Variants in KANK1 observed in about 807,000 individuals in gnomAD.
KANK1 encodes the protein KN motif and ankyrin repeat domains 1.
A neutral mutation model predicts 106.2 loss-of-function variants in KANK1; 109 were observed. The ratio of observed to expected loss-of-function variants is 1.03; its 90% confidence interval spans 0.88 to 1.20. The LOEUF is 1.20. Among genes scored for constraint, KANK1 ranks in the 50% most tolerant of loss-of-function variants. KANK1 has a pLI of 0.00. For missense variants in KANK1, 2,399 were observed against 1,710.7 expected (o/e 1.40, Z -7.10); for synonymous variants, 873 against 652.2 (o/e 1.34, Z -5.16).
chr9:497,016 C>T (rs534621195), intron 3 of KANK1, among the ~76,000 whole-genome samples: 7 of 152,066 alleles, frequency 4.6e-5, no homozygotes, highest in African/African-American at 7.2e-5. Context: ...CCTTCAGCCA[C>T]GGAGAAAATG....
intron 1 of KANK1, among the ~76,000 whole-genome samples, chr9:576,431 T>C (rs1820580155): frequency 6.6e-6 from 1 of 152,246 alleles, no homozygotes; most frequent in South Asian, 2.1e-4. Flanking sequence ...TTTGCTCTGC[T>C]AGGCACTGTG....
At chr9:633,099 T>C (rs1310215839) in intron 1 of KANK1, among the ~76,000 whole-genome samples, 1 of 152,124 alleles carries the variant, frequency 6.6e-6, no homozygotes. Context: ...TGACTTTTTC[T>C]ACACTCACTT....
intron 1 of KANK1, among the ~76,000 whole-genome samples, chr9:653,508 G>C (rs1314357454): frequency 2.6e-5 from 4 of 152,090 alleles, no homozygotes; most frequent in Non-Finnish European, 2.9e-5. Context: ...AGAGGTTATT[G>C]ACTTTCCTTG....
At chr9:559,754 C>CT (rs1359190487) in intron 1 of KANK1, among the ~76,000 whole-genome samples, 1 of 152,124 alleles carries the variant, frequency 6.6e-6, no homozygotes, top group African/African-American at 2.4e-5. Context: ...ACCCAGAAGG[C>CT]TTTCAGGTGA....
At chr9:548,956 A>G (rs567649066) in intron 1 of KANK1, among the ~76,000 whole-genome samples, 2 of 152,180 alleles carry the variant, frequency 1.3e-5, no homozygotes, top group Non-Finnish European at 2.9e-5. Flanking sequence ...ATAAATGCAA[A>G]TATATAAATG....
At chr9:611,247 AAAG>A (rs1830478826) in intron 1 of KANK1, among the ~76,000 whole-genome samples, 1 of 152,140 alleles carries the variant, frequency 6.6e-6, no homozygotes, top group Admixed American at 6.5e-5. Flanking sequence ...CAGGCAAACT[AAAG>A]AATCTTTTAG....
chr9:617,257 A>G (rs900727688), intron 1 of KANK1, among the ~76,000 whole-genome samples: 1 of 152,152 alleles, frequency 6.6e-6, no homozygotes, highest in South Asian at 2.1e-4. Context: ...TCTGTATTCT[A>G]CAACTTCACT....
chr9:596,067 C>G (rs538852490), intron 1 of KANK1, among the ~76,000 whole-genome samples: 1 of 151,852 alleles, frequency 6.6e-6, no homozygotes, highest in South Asian at 2.1e-4. Context: ...TATACAAAGA[C>G]TGAAGGTAAC....
intron 1 of KANK1, among the ~76,000 whole-genome samples, chr9:630,378 A>G (rs1420944164): frequency 3.3e-5 from 5 of 151,732 alleles, no homozygotes; most frequent in Admixed American, 2.0e-4. Flanking sequence ...GTGAAACCCC[A>G]TCTCTACTAA....
At chr9:475,181 G>T (rs1004085970) in intron 3 of KANK1, among the ~76,000 whole-genome samples, 2 of 152,126 alleles carry the variant, frequency 1.3e-5, no homozygotes, top group African/African-American at 4.8e-5. Context: ...GCAAAGTGGC[G>T]GAGTTTAATT....
intron 3 of KANK1, among the ~76,000 whole-genome samples, chr9:490,902 T>G (rs1275140802): frequency 6.6e-6 from 1 of 151,200 alleles, no homozygotes. Context: ...TGGCAATAAG[T>G]GCTACGAAAA....
rs1836942773 is a variant in KANK1, at chr9:745,448, A to C, written c.*213A>C. On this transcript the variant is annotated 3_prime_UTR_variant, in exon 12 of 12. Transcript: ENST00000382297. Reference sequence around the variant, plus strand: ...TCTGGCCGTCTTCTGTGTAGGGCACACTTTAACCCAGTCTCTGTTGCTGTT... The same window carrying C: ...TCTGGCCGTCTTCTGTGTAGGGCACCCTTTAACCCAGTCTCTGTTGCTGTT... 6.0e-6 allele frequency: 3 copies of C among 501,486 alleles called. No homozygotes were observed. Among genetic ancestry groups the C allele is most frequent in the African/African-American group, 2.0e-5 (1 of 50,736 alleles). 31.1% of individuals were successfully genotyped at this position (501,486 alleles called of 1,614,324 possible).
chr9:700,367 A>G (rs1339268000), intron 2 of KANK1, among the ~76,000 whole-genome samples: 1 of 152,204 alleles, frequency 6.6e-6, no homozygotes, highest in African/African-American at 2.4e-5. Context: ...TAGTGCTAAC[A>G]GTGTCATCAG....
At chr9:507,880 T>G (rs2058838802) in intron 1 of KANK1, among the ~76,000 whole-genome samples, 1 of 151,934 alleles carries the variant, frequency 6.6e-6, no homozygotes, top group Non-Finnish European at 1.5e-5. Context: ...GAGACGGGGT[T>G]TCACCGTGTT....
intron 3 of KANK1, chr9:487,870 C>A (rs1197122100): frequency 6.6e-6 from 1 of 152,158 alleles, no homozygotes; most frequent in Non-Finnish European, 1.5e-5. Context: ...CAGCCTGGTA[C>A]CCCTAAGAGT....
intron 1 of KANK1, among the ~76,000 whole-genome samples, chr9:557,258 T>G (rs758257230): frequency 2.0e-5 from 3 of 151,776 alleles, no homozygotes; most frequent in South Asian, 2.1e-4. Context: ...AGTGAAAAGA[T>G]ATATTGTTTT....
chr9:527,567 C>T (rs2059849368), intron 1 of KANK1, among the ~76,000 whole-genome samples: 1 of 151,646 alleles, frequency 6.6e-6, no homozygotes, highest in Non-Finnish European at 1.5e-5. Context: ...TCGCAGAGTG[C>T]TGGAATTACA....
chr9:609,453 C>T (rs1830078659), intron 1 of KANK1, among the ~76,000 whole-genome samples: 1 of 152,018 alleles, frequency 6.6e-6, no homozygotes, highest in African/African-American at 2.4e-5. Flanking sequence ...CATGGTGAAA[C>T]CCCATCTCTA....
intron 7 of KANK1, 112 bp from the exon 8 acceptor site, chr9:738,173 T>TCTAA: frequency 1.2e-6 from 1 of 850,110 alleles, no homozygotes. Flanking sequence ...GAGAGCAGAT[T>TCTAA]CTAACTGCAT....
Sources: gnomAD v4.1 joint callset for allele counts (sites outside exome capture counted in the v4.1 genomes callset) on GRCh38, gnomAD v4.1.1 for gene constraint, MANE v1.5 for transcripts, NCBI Gene and HGNC (gene_info 2026-07-23, HGNC 2026-07-21) for gene names.